Variants in TMEM178B observed in about 807,000 individuals in gnomAD.
TMEM178B encodes the protein transmembrane protein 178B.
In TMEM178B, 5 loss-of-function variants were observed where a neutral mutation model predicts 31.0. That is an observed-to-expected ratio of 0.16 (90% CI 0.08 to 0.34). The LOEUF is 0.34. Among genes scored for constraint, TMEM178B ranks in the 10% least tolerant of loss-of-function variants. The pLI, the probability that TMEM178B is intolerant of heterozygous loss-of-function variation, is 1.00. For missense variants in TMEM178B, 275 were observed against 400.3 expected, an observed-to-expected ratio of 0.69 and a Z score of 2.67; for synonymous variants, 164 against 164.0, an observed-to-expected ratio of 1.00 and a Z score of 0.00.
chr7:141,335,393 G>A (rs1273056053), intron 2 of TMEM178B, among the ~76,000 whole-genome samples: 1 of 152,166 alleles, frequency 6.6e-6, no homozygotes, highest in African/African-American at 2.4e-5. Flanking sequence ...TGCTCCCAGA[G>A]GGCGCTCTGG....
At chr7:141,208,228 C>A (rs182183817) in intron 1 of TMEM178B, among the ~76,000 whole-genome samples, 181 of 151,852 alleles carry the variant, frequency 1.2e-3, no homozygotes, top group African/African-American at 4.1e-3. Context: ...AATAAGTCTC[C>A]CACAGGGGCC....
chr7:141,254,744 G>C (rs958472751), intron 2 of TMEM178B, among the ~76,000 whole-genome samples: 4 of 152,188 alleles, frequency 2.6e-5, no homozygotes, highest in African/African-American at 9.6e-5. Flanking sequence ...AAACAAAAAA[G>C]CTTGTTTACT....
At chr7:141,202,505 T>C (rs962700705) in intron 1 of TMEM178B, among the ~76,000 whole-genome samples, 50 of 152,174 alleles carry the variant, frequency 3.3e-4, no homozygotes, top group Admixed American at 3.1e-3. Flanking sequence ...GTCTACGCAA[T>C]GCATACAAAA....
At chr7:141,385,247 A>C (rs543678985) in intron 2 of TMEM178B, among the ~76,000 whole-genome samples, 1 of 152,186 alleles carries the variant, frequency 6.6e-6, no homozygotes, top group Admixed American at 6.5e-5. Flanking sequence ...CAGTAGCTGC[A>C]ATGTGTCCAT....
intron 2 of TMEM178B, among the ~76,000 whole-genome samples, chr7:141,430,726 C>T (rs377042587): frequency 2.0e-5 from 3 of 152,148 alleles, no homozygotes; most frequent in East Asian, 1.9e-4. Flanking sequence ...TGGTTGATCC[C>T]GTGGCTAGCA....
the TMEM178B span, among the ~76,000 whole-genome samples, chr7:141,495,713 A>G: frequency 5.3e-5 from 8 of 152,234 alleles, no homozygotes; most frequent in Non-Finnish European, 1.2e-4. Context: ...ATCTGGTCAT[A>G]TAGTGGAATA....
intron 3 of TMEM178B, among the ~76,000 whole-genome samples, chr7:141,457,649 G>A (rs1297442302): frequency 6.6e-6 from 1 of 152,210 alleles, no homozygotes; most frequent in Non-Finnish European, 1.5e-5. Flanking sequence ...AAAGTGTGGG[G>A]TAACCATCAA....
chr7:141,077,700 T>C (rs900273297), intron 1 of TMEM178B, among the ~76,000 whole-genome samples: 3 of 152,242 alleles, frequency 2.0e-5, no homozygotes, highest in African/African-American at 4.8e-5. Context: ...TTGGGAAATA[T>C]TTCATACAAA....
In TMEM178B at chr7:141,396,288, A is replaced by G. The variant is rs540859122; in HGVS notation, c.497-41320A>G. ...GAGTTTGCTGCCCAAAATCCAAAGT[A>G]AGAAGAGTAAGAATCTGTTTCAACA... On this transcript the variant is annotated intron_variant, in intron 2 of 3. Coordinates refer to ENST00000565468, the MANE Select transcript of TMEM178B (RefSeq NM_001195278.2). Among the ~76,000 whole-genome samples, 19 of 152,320 alleles carry G rather than the reference A, an allele frequency of 1.2e-4. 1 individual carries two copies. Among genetic ancestry groups the G allele is most frequent in the Admixed American group, 9.8e-4 (15 of 15,306 alleles).
chr7:141,364,962 G>A (rs1586914511), intron 2 of TMEM178B, among the ~76,000 whole-genome samples: 3 of 152,350 alleles, frequency 2.0e-5, no homozygotes, highest in Admixed American at 6.5e-5. Flanking sequence ...ATATTTGAAC[G>A]TAATGCCTCC....
chr7:141,395,598 G>A (rs1430783907), intron 2 of TMEM178B, among the ~76,000 whole-genome samples: 1 of 152,166 alleles, frequency 6.6e-6, no homozygotes, highest in Non-Finnish European at 1.5e-5. Context: ...AGTGACATCA[G>A]AGGTCTCCCC....
intron 1 of TMEM178B, among the ~76,000 whole-genome samples, chr7:141,176,126 T>C (rs1334370364): frequency 6.6e-6 from 1 of 152,224 alleles, no homozygotes; most frequent in Admixed American, 6.5e-5. Flanking sequence ...TTTTGAGATA[T>C]GTTCCATCAA....
intron 2 of TMEM178B, among the ~76,000 whole-genome samples, chr7:141,248,539 C>T (rs147298053): frequency 1.2e-3 from 176 of 152,298 alleles, no homozygotes; most frequent in African/African-American, 3.9e-3. Flanking sequence ...TAGCCTACTA[C>T]GCACCTGGGC....
intron 1 of TMEM178B, among the ~76,000 whole-genome samples, chr7:141,153,205 A>G (rs1440713902): frequency 6.6e-6 from 1 of 152,204 alleles, no homozygotes; most frequent in East Asian, 1.9e-4. Flanking sequence ...TTTTTTTTAA[A>G]CAAATGGATT....
intron 2 of TMEM178B, among the ~76,000 whole-genome samples, chr7:141,285,150 G>GTTTTTTTTTTTTTTT (rs1179131184): frequency 3.8e-5 from 3 of 78,960 alleles, no homozygotes; most frequent in Non-Finnish European, 2.6e-5. Context: ...CAGGATTCTT[G>GTTTTTTTTTTTTTTT]TTTCTTTTTT....
intron 2 of TMEM178B, among the ~76,000 whole-genome samples, chr7:141,356,366 C>T (rs1042290590): frequency 7.4e-5 from 11 of 148,576 alleles, no homozygotes; most frequent in Non-Finnish European, 1.3e-4. Flanking sequence ...TTCTCTGACA[C>T]CTCACTGACA....
chr7:141,324,859 G>A (rs1799162448), intron 2 of TMEM178B, among the ~76,000 whole-genome samples: 1 of 152,042 alleles, frequency 6.6e-6, no homozygotes, highest in Non-Finnish European at 1.5e-5. Flanking sequence ...CATAAAAACA[G>A]GGCCTTTTGT....
At position 141,283,658 on chromosome 7, in the gene TMEM178B, G is replaced by A. The variant is rs530999368; in HGVS notation, c.496+70954G>A. 3.3e-5 allele frequency among the ~76,000 whole-genome samples: 5 copies of A among 152,312 alleles called. No individual in the cohort carries two copies. In the South Asian group the frequency reaches 1.0e-3, roughly 32 times the overall value. On this transcript the variant is annotated intron_variant, in intron 2 of 3. Coordinates refer to ENST00000565468, the MANE Select transcript of TMEM178B (RefSeq NM_001195278.2). ...TCTTCCTGAGGCAGCCACAGCATAA[G>A]CTCTTTGACCCTCTACTTCTCAGCA... is the stretch of plus-strand genomic sequence containing the variant.
At chr7:141,119,964 A>G (rs1291416468) in intron 1 of TMEM178B, among the ~76,000 whole-genome samples, 1 of 152,212 alleles carries the variant, frequency 6.6e-6, no homozygotes, top group Non-Finnish European at 1.5e-5. Context: ...TCCAACTGTA[A>G]TGAGAAAGTG....
Sources: gnomAD v4.1 joint callset for allele counts (sites outside exome capture counted in the v4.1 genomes callset) on GRCh38, gnomAD v4.1.1 for gene constraint, MANE v1.5 for transcripts, NCBI Gene and HGNC (gene_info 2026-07-23, HGNC 2026-07-21) for gene names.